The following SH3TC1 variants were observed in gnomAD, a reference collection of about 807,000 sequenced individuals.
SH3TC1 encodes SH3 domain and tetratricopeptide repeat-containing protein 1.
In SH3TC1, 135 loss-of-function variants were observed where a neutral mutation model predicts 117.3. That is an observed-to-expected ratio of 1.15 (90% CI 1.00 to 1.33). The LOEUF (loss-of-function observed/expected upper bound fraction) is 1.33. SH3TC1 is among the 40% of genes most tolerant of loss of function. The pLI, the probability that SH3TC1 is intolerant of heterozygous loss-of-function variation, is 0.00. For synonymous variants in SH3TC1, 898 were observed against 816.9 expected (o/e 1.10, Z -1.69); for missense variants, 2,092 against 1,794.3 (o/e 1.17, Z -3.00).
chr4:8,188,425 T>C (rs1717295091), intron 1 of SH3TC1, among the ~76,000 whole-genome samples: 1 of 152,174 alleles, frequency 6.6e-6, no homozygotes, highest in African/African-American at 2.4e-5. Context: ...TGCTCTCCTT[T>C]GTGGGACCCC....
In SH3TC1 at chr4:8,205,578, A is replaced by G. The variant is rs73798659; in HGVS notation, c.172+212A>G. Reference sequence around the variant, plus strand: ...TGAGTCACTTGAGAGGCCAGGGCCCAGCTCGTGTTTTTCCAGGGACGCGTC... The same window carrying G: ...TGAGTCACTTGAGAGGCCAGGGCCCGGCTCGTGTTTTTCCAGGGACGCGTC... On this transcript the variant is annotated intron_variant, in intron 2 of 17. Coordinates refer to ENST00000245105, the MANE Select transcript of SH3TC1 (RefSeq NM_018986.5). This position sits in a 1 kb window ranked among gnomAD's most constrained non-coding sequence, Gnocchi z 5.4. The G allele has an allele frequency of 1.9e-3, 1,530 of 804,604 alleles. 17 individuals are homozygous for G. The African/African-American group carries it at 0.023, about 12-fold the overall frequency. The allele number at this position is 804,604 out of a possible 1,614,324, so 49.8% of individuals were successfully genotyped here. A position where few individuals can be genotyped will look rare whatever the true frequency, so the allele number is the denominator to read the frequency against.
intron 1 of SH3TC1, among the ~76,000 whole-genome samples, chr4:8,199,688 C>G (rs775709195): frequency 6.6e-6 from 1 of 152,190 alleles, no homozygotes. Context: ...GGCCTGACCC[C>G]GTGCTGGCCC....
rs1718944306 is a variant in SH3TC1 at position 8,213,608 on chromosome 4, G to A, written c.375+780G>A. 3.3e-5 allele frequency among the ~76,000 whole-genome samples: 5 copies of A among 152,090 alleles called. No homozygotes were observed. In the South Asian group the frequency reaches 1.0e-3, roughly 32 times the overall value. ...CAGGTCAGACCTTGAATAAGAAATG[G>A]GGCCTTCAGCGGGACATGGTGGCTC... On this transcript the variant is annotated intron_variant, in intron 4 of 17. Transcript: ENST00000245105.
chr4:8,233,557 CTCCA>C (rs760691028), intron 14 of SH3TC1, 44 bp downstream of exon 14: 10 of 1,543,372 alleles, frequency 6.5e-6, no homozygotes, highest in Admixed American at 2.0e-5. Flanking sequence ...CATGTTCACT[CTCCA>C]TCCATCCATC....
At position 8,210,497 on chromosome 4, in the gene SH3TC1, C is replaced by T. The variant is rs1419432100; in HGVS notation, c.247+675C>T. Among the ~76,000 whole-genome samples, 4 of 152,156 alleles carry T rather than the reference C, an allele frequency of 2.6e-5. No individual in the cohort carries two copies. Among genetic ancestry groups the T allele is most frequent in the African/African-American group, 9.7e-5 (4 of 41,432 alleles). On this transcript the variant is annotated intron_variant, in intron 3 of 17. Coordinates refer to ENST00000245105, the MANE Select transcript of SH3TC1 (RefSeq NM_018986.5). The surrounding 1 kb of genome is among the most constrained non-coding windows in gnomAD (Gnocchi z 4.1). ...TTAGAATTTGAAAATGCAGGCTGGG[C>T]GCGGTGGCTCACGCCTGTAATCCCA... is the stretch of plus-strand genomic sequence containing the variant.
At position 8,225,314 on chromosome 4, in the gene SH3TC1, T is replaced by G. The variant is rs1275851210; in HGVS notation, c.1285+98T>G. 1 of 1,383,150 alleles carries G rather than the reference T, an allele frequency of 7.2e-7. No individual in the cohort carries two copies. The allele number at this position is 1,383,150 out of a possible 1,614,324, so 85.7% of individuals were successfully genotyped here. A position where few individuals can be genotyped will look rare whatever the true frequency, so the allele number is the denominator to read the frequency against. ...AAAGCTGAGCACGGTGGGCATTGGG[T>G]GCGGCTGTCACCCCTCTGTGGTGTG... is the stretch of plus-strand genomic sequence containing the variant. On this transcript the variant is annotated intron_variant, in intron 11 of 17. Transcript: ENST00000245105. The surrounding 1 kb of genome is among the most constrained non-coding windows in gnomAD (Gnocchi z 5.5).
At chr4:8,201,763 T>C (rs1561677594) in intron 1 of SH3TC1, 1 of 152,440 alleles carries the variant, frequency 6.6e-6, no homozygotes, top group Non-Finnish European at 1.5e-5. Context: ...CAGAAGACAG[T>C]CTCTGAGTAC....
intron 1 of SH3TC1, among the ~76,000 whole-genome samples, chr4:8,187,273 C>T (rs1225890563): frequency 1.3e-5 from 2 of 151,306 alleles, no homozygotes; most frequent in Admixed American, 1.3e-4. Flanking sequence ...AGCAAGGACA[C>T]CTGCTATCAA....
Position 8,205,620 on chromosome 4 carries a change from G to T in SH3TC1, c.172+254G>T, listed in dbSNP as rs555334047. On this transcript the variant is annotated intron_variant, in intron 2 of 17. Coordinates refer to ENST00000245105, the MANE Select transcript of SH3TC1 (RefSeq NM_018986.5). The surrounding 1 kb of genome is among the most constrained non-coding windows in gnomAD (Gnocchi z 5.4). ...GGACGCGTCAGTGATAACAAAACTG[G>T]CAAAGAACGAGGCAGGGGCCTTTGA... 2.6e-6 allele frequency: 2 copies of T among 768,914 alleles called. No homozygotes were observed. Among genetic ancestry groups the T allele is most frequent in the East Asian group, 2.4e-5 (1 of 41,264 alleles). 47.6% of individuals were successfully genotyped at this position (768,914 alleles called of 1,614,324 possible).
intron 4 of SH3TC1, chr4:8,213,172 A>G: frequency 3.9e-6 from 1 of 253,582 alleles, no homozygotes; most frequent in Non-Finnish European, 7.6e-6. Flanking sequence ...AGTTAGTCTT[A>G]TTTTTTCTGG....
At chr4:8,238,615 C>T (rs529989499) in intron 17 of SH3TC1, among the ~76,000 whole-genome samples, 98 of 152,304 alleles carry the variant, frequency 6.4e-4, no homozygotes, top group African/African-American at 1.9e-3. Context: ...GAGGCCCCCG[C>T]CCGGTGCTGG....
rs960493741 is a variant in SH3TC1, at chr4:8,240,560, C to G, written c.3754-138C>G. On this transcript the variant is annotated intron_variant, in intron 17 of 17. Transcript: ENST00000245105. ...TCTCCACCTCCTGCAGCTGAGCCCA[C>G]AGCAGTGTCACAGGCTTCGGGGCTC... 2.4e-5 allele frequency: 33 copies of G among 1,378,596 alleles called. No homozygotes were observed. In the African/African-American group the frequency reaches 4.6e-4, roughly 19 times the overall value. The allele number at this position is 1,378,596 out of a possible 1,614,324, so 85.4% of individuals were successfully genotyped here. A position where few individuals can be genotyped will look rare whatever the true frequency, so the allele number is the denominator to read the frequency against.
intron 1 of SH3TC1, chr4:8,204,648 C>T (rs951178896): frequency 3.9e-5 from 6 of 152,474 alleles, no homozygotes; most frequent in South Asian, 2.1e-4. Context: ...TGGCTGACCC[C>T]GTCCCTGCGG....
chr4:8,214,071 G>C (rs912270237), intron 4 of SH3TC1, among the ~76,000 whole-genome samples: 2 of 152,150 alleles, frequency 1.3e-5, no homozygotes, highest in Non-Finnish European at 2.9e-5. Flanking sequence ...CTGGCGGGGG[G>C]ATGGAAATCA....
At chr4:8,233,989 TCATC>T (rs1000199705) in intron 14 of SH3TC1, among the ~76,000 whole-genome samples, 8 of 74,234 alleles carry the variant, frequency 1.1e-4, no homozygotes, top group Non-Finnish European at 2.8e-4. Flanking sequence ...CATCCATCCA[TCATC>T]CATCCATCCT....
In SH3TC1 at chr4:8,209,278, A is replaced by G. The variant is rs907509095; in HGVS notation, c.173-470A>G. Among the ~76,000 whole-genome samples, 4 of 152,200 alleles carry G rather than the reference A, an allele frequency of 2.6e-5. No homozygotes were observed. The highest frequency in any genetic ancestry group is 4.4e-5 in the Non-Finnish European group (3 of 68,040). Reference sequence around the variant, plus strand: ...TCCCGGATGCTCCAGTGGGCCCTCCATGGAATCACAGGGCTTTTGTAGGAG... The same window carrying G: ...TCCCGGATGCTCCAGTGGGCCCTCCGTGGAATCACAGGGCTTTTGTAGGAG... On this transcript the variant is annotated intron_variant, in intron 2 of 17. Transcript: ENST00000245105. The surrounding 1 kb of genome is among the most constrained non-coding windows in gnomAD (Gnocchi z 5.9).
chr4:8,187,713 A>G (rs890139817), intron 1 of SH3TC1, among the ~76,000 whole-genome samples: 1 of 151,746 alleles, frequency 6.6e-6, no homozygotes, highest in Non-Finnish European at 1.5e-5. Flanking sequence ...CACCGCGCCC[A>G]TCTAATTTTT....
Position 8,232,393 on chromosome 4 carries a change from C to T in SH3TC1, c.3131+237C>T. On this transcript the variant is annotated intron_variant, in intron 13 of 17. Transcript: ENST00000245105. ...TGACACGTCTTCCCATCCCTGCTTG[C>T]ACACCTCCCCAAAGGTCATCTCAAC... is the stretch of plus-strand genomic sequence containing the variant. 4 of 1,579,398 alleles carry T rather than the reference C, an allele frequency of 2.5e-6. No individual in the cohort carries two copies. The African/African-American group carries it at 4.0e-5, about 16-fold the overall frequency.
At position 8,209,697 on chromosome 4, in the gene SH3TC1, G is replaced by A; in HGVS notation, c.173-51G>A. ...TGGAGCGTTTGGCGCCTTCAGAGGA[G>A]CCAGGCCTTTGCTTGGTCTCCCCTA... On this transcript the variant is annotated intron_variant, in intron 2 of 17. Transcript: ENST00000245105. The surrounding 1 kb of genome is among the most constrained non-coding windows in gnomAD (Gnocchi z 5.9). 6.2e-7 allele frequency: 1 copy of A among 1,610,842 alleles called. No individual in the cohort carries two copies. Among genetic ancestry groups the A allele is most frequent in the Non-Finnish European group, 8.5e-7 (1 of 1,179,048 alleles).
Sources: allele counts gnomAD v4.1 joint callset (sites outside exome capture counted in the v4.1 genomes callset), GRCh38; gene constraint gnomAD v4.1.1; non-coding constraint Gnocchi (gnomAD v3.1); transcripts MANE v1.5; gene names NCBI Gene and HGNC (gene_info 2026-07-23, HGNC 2026-07-21).